The following GALNT10 variants were observed in gnomAD, a reference collection of about 807,000 sequenced individuals.
The protein encoded by GALNT10 is GalNAc transferase 10.
Under a neutral mutation model 75.0 loss-of-function variants are expected in GALNT10, and 41 were observed. The ratio of observed to expected loss-of-function variants is 0.55; its 90% CI spans 0.43 to 0.71. The LOEUF (loss-of-function observed/expected upper bound fraction) is 0.71, where lower values mean the gene tolerates loss of function less well. Ranked by LOEUF, GALNT10 falls within the 30% of genes least tolerant of loss-of-function variation. The probability of loss-of-function intolerance (pLI) is 0.00; values close to 1 mark genes in which losing one functional copy is unlikely to be tolerated. For synonymous variants in GALNT10, 302 were observed against 313.0 expected (o/e 0.96, Z 0.37); for missense variants, 727 against 818.5 (o/e 0.89, Z 1.36).
At chr5:154,321,651 G>A (rs1032687282) in intron 3 of GALNT10, among the ~76,000 whole-genome samples, 25 of 152,228 alleles carry the variant, frequency 1.6e-4, no homozygotes, top group Middle Eastern at 3.4e-3. Context: ...CCAGTCTCTG[G>A]AGCCCCTTCC....
At chr5:154,413,995 C>CTT (rs1455063511) in intron 10 of GALNT10, among the ~76,000 whole-genome samples, 2 of 151,932 alleles carry the variant, frequency 1.3e-5, no homozygotes, top group Non-Finnish European at 2.9e-5. Context: ...CGGGCAGATA[C>CTT]TTTACCAAAA....
At chr5:154,219,342 G>A (rs1371280403) in intron 1 of GALNT10, 1 of 152,734 alleles carries the variant, frequency 6.5e-6, no homozygotes, top group East Asian at 1.9e-4. Context: ...CTGTGCTTAT[G>A]GATGTCTTGG....
In GALNT10 at chr5:154,412,992, G is replaced by A. The variant is rs1398468613; in HGVS notation, c.1490G>A (p.Trp497Ter). Residue 497 changes from tryptophan (W) to a stop codon, truncating the protein, a stop_gained, in exon 10 of 12, where the codon TGG becomes TAG. Transcript: ENST00000297107. LOFTEE classifies it high-confidence loss of function. The surrounding 1 kb of genome is among the most constrained non-coding windows in gnomAD (Gnocchi z 4.2). Reference protein sequence around the residue: ...GCVRGRGEAAWNNMQVFTFTW... With the variant: ...GCVRGRGEAA ...GTCCGAGGCCGTGGGGAGGCTGCCT[G>A]GAACAACATGCAGGTAAGGGCCGCC... The A allele has an allele frequency of 6.2e-7, 1 of 1,607,050 alleles. No individual in the cohort carries two copies. Among genetic ancestry groups the A allele is most frequent in the Non-Finnish European group, 8.5e-7 (1 of 1,174,442 alleles).
chr5:154,395,052 T>G (rs897848282), intron 7 of GALNT10, among the ~76,000 whole-genome samples: 9 of 152,228 alleles, frequency 5.9e-5, no homozygotes, highest in Admixed American at 2.0e-4. Context: ...AGGAGACGGC[T>G]CAAAGGCCCG....
At chr5:154,320,556 G>A (rs1754658216) in intron 3 of GALNT10, among the ~76,000 whole-genome samples, 2 of 152,198 alleles carry the variant, frequency 1.3e-5, no homozygotes, top group South Asian at 4.1e-4. Flanking sequence ...TAGAAAACCA[G>A]ATATCACCAG....
chr5:154,238,121 G>A (rs531857364), intron 1 of GALNT10, among the ~76,000 whole-genome samples: 1 of 152,272 alleles, frequency 6.6e-6, no homozygotes, highest in East Asian at 1.9e-4. Context: ...GGTCTAGAAG[G>A]CAACACAGAC....
chr5:154,198,299 G>A (rs1275540862), intron 1 of GALNT10, among the ~76,000 whole-genome samples: 1 of 152,198 alleles, frequency 6.6e-6, no homozygotes, highest in African/African-American at 2.4e-5. Context: ...TTCTCTTGAG[G>A]GTTCAGTGAG....
intron 1 of GALNT10, among the ~76,000 whole-genome samples, chr5:154,244,003 T>C (rs1451831126): frequency 1.3e-5 from 2 of 152,338 alleles, no homozygotes; most frequent in Non-Finnish European, 2.9e-5. Flanking sequence ...GGGAGGAAGC[T>C]TGCCCTGGTC....
At chr5:154,269,780 C>T (rs1372571396) in intron 1 of GALNT10, among the ~76,000 whole-genome samples, 1 of 152,154 alleles carries the variant, frequency 6.6e-6, no homozygotes, top group Non-Finnish European at 1.5e-5. Flanking sequence ...TCTGGGACAT[C>T]CTTCGGAAGG....
At chr5:154,201,336 C>T (rs570423129) in intron 1 of GALNT10, among the ~76,000 whole-genome samples, 82 of 152,198 alleles carry the variant, frequency 5.4e-4, no homozygotes, top group African/African-American at 1.9e-3. Context: ...ATAAGTGACA[C>T]GACTAGTACC....
chr5:154,335,803 TC>T (rs1409844810), intron 4 of GALNT10, among the ~76,000 whole-genome samples: 18 of 152,186 alleles, frequency 1.2e-4, no homozygotes, highest in Admixed American at 1.2e-3. Context: ...TTTGTTACAA[TC>T]CCTGAACCCA....
At chr5:154,374,586 G>A (rs1755627321) in intron 4 of GALNT10, among the ~76,000 whole-genome samples, 1 of 152,208 alleles carries the variant, frequency 6.6e-6, no homozygotes, top group African/African-American at 2.4e-5. Flanking sequence ...CCCGGTTCAA[G>A]CGATCCCCCC....
rs150847499 is a variant in GALNT10 at position 154,418,861 on chromosome 5, T to C, written c.*1889T>C. The C allele has an allele frequency of 2.6e-5, 4 of 152,518 alleles. No individual in the cohort carries two copies. Among genetic ancestry groups the C allele is most frequent in the Middle Eastern group, 3.4e-3 (1 of 294 alleles). 9.4% of individuals were successfully genotyped at this position (152,518 alleles called of 1,614,324 possible). A position where few individuals can be genotyped will look rare whatever the true frequency, so the allele number is the denominator to read the frequency against. On this transcript the variant is annotated 3_prime_UTR_variant, in exon 12 of 12. Transcript: ENST00000297107. The stretch of plus-strand genomic sequence containing the variant: ...CTGTAGCTTTAGAAGTGGCCCTCTA[T>C]AGAAAGAAGTCAAAAGATGAGGCCC...
intron 4 of GALNT10, among the ~76,000 whole-genome samples, chr5:154,350,321 C>T (rs1755188423): frequency 6.6e-6 from 1 of 152,162 alleles, no homozygotes; most frequent in Admixed American, 6.5e-5. Flanking sequence ...ATCCTGGGTC[C>T]GCAGTCCACA....
Position 154,298,059 on chromosome 5 carries a change from C to T in GALNT10, c.381C>T (p.Leu127=). The T allele has an allele frequency of 1.2e-6, 2 of 1,613,132 alleles. No individual in the cohort carries two copies. The highest frequency in any genetic ancestry group is 2.2e-5 in the East Asian group (1 of 44,848). Residue 127 remains leucine (L), a synonymous_variant, in exon 3 of 12, where the codon CTC becomes CTT. Coordinates refer to ENST00000297107, the MANE Select transcript of GALNT10 (RefSeq NM_198321.4). This position sits in a 1 kb window ranked among gnomAD's most constrained non-coding sequence, Gnocchi z 4.1. ...VSDKISLNRS[L]PDIRHPNCNS... ...ATAAAATCTCCTTGAATCGCTCTCT[C>T]CCAGATATCCGGCACCCAAAGTGAG... is the stretch of plus-strand genomic sequence containing the variant.
rs547754600 is a variant in GALNT10, at chr5:154,406,591, G to A, written c.1164+2380G>A. On this transcript the variant is annotated intron_variant, in intron 8 of 11. Transcript: ENST00000297107. Reference sequence around the variant, plus strand: ...GCGGGCGGATCACCTGAGGTCAGGAGTTCAAGACCAGCCTGGTCAACATGG... The same window carrying A: ...GCGGGCGGATCACCTGAGGTCAGGAATTCAAGACCAGCCTGGTCAACATGG... Among the ~76,000 whole-genome samples the A allele has an allele frequency of 1.3e-4, 20 of 152,346 alleles. No individual in the cohort carries two copies. The South Asian group carries it at 2.1e-3, about 16-fold the overall frequency.
intron 1 of GALNT10, among the ~76,000 whole-genome samples, chr5:154,290,030 A>G (rs1356139648): frequency 6.6e-6 from 1 of 151,928 alleles, no homozygotes; most frequent in African/African-American, 2.4e-5. Context: ...AATTGACCAC[A>G]ATTTCCATTA....
intron 7 of GALNT10, among the ~76,000 whole-genome samples, chr5:154,391,935 G>T (rs890029331): frequency 6.6e-6 from 1 of 152,132 alleles, no homozygotes; most frequent in South Asian, 2.1e-4. Context: ...CTGGCCCCAT[G>T]CCCATCCCTG....
At chr5:154,210,151 T>C (rs1415848943) in intron 1 of GALNT10, among the ~76,000 whole-genome samples, 1 of 152,174 alleles carries the variant, frequency 6.6e-6, no homozygotes, top group Non-Finnish European at 1.5e-5. Flanking sequence ...AAAGCCTAAG[T>C]GGCTTCCTGT....
Sources: allele counts gnomAD v4.1 joint callset (sites outside exome capture counted in the v4.1 genomes callset), GRCh38; gene constraint gnomAD v4.1.1; non-coding constraint Gnocchi (gnomAD v3.1); transcripts MANE v1.5; gene names NCBI Gene and HGNC (gene_info 2026-07-23, HGNC 2026-07-21).